Variants in MNX1 observed in about 807,000 individuals in gnomAD.
MNX1 encodes the protein motor neuron and pancreas homeobox protein 1.
MNX1 carries 2 observed loss-of-function variants against 17.3 expected under a neutral mutation model. The ratio of observed to expected loss-of-function variants is 0.12; its 90% CI spans 0.05 to 0.36. The LOEUF (loss-of-function observed/expected upper bound fraction) is 0.36, where lower values mean the gene tolerates loss of function less well. Among genes scored for constraint, MNX1 ranks in the 10% least tolerant of loss-of-function variants. The pLI, the probability that MNX1 is intolerant of heterozygous loss-of-function variation, is 1.00. For synonymous variants in MNX1, 306 were observed against 283.1 expected (o/e 1.08, Z -0.81); for missense variants, 556 against 564.7 (o/e 0.98, Z 0.16).
intron 1 of MNX1, chr7:157,008,960 G>T (rs1415400834): frequency 8.5e-6 from 13 of 1,533,248 alleles, no homozygotes; most frequent in Non-Finnish European, 9.6e-6. Flanking sequence ...GGGAGAACAG[G>T]GGCTCCCTCG....
In MNX1 at chr7:157,006,600, G is replaced by A. The variant is rs1036214835; in HGVS notation, c.731C>T (p.Pro244Leu). Reference sequence around the variant, plus strand: ...CTGCTGGCTGGTGAAGGCGGTGCGCGGCCGGCGGCACTTCCCCAGGAGGTT... The same window carrying A: ...CTGCTGGCTGGTGAAGGCGGTGCGCAGCCGGCGGCACTTCCCCAGGAGGTT... Reference protein sequence around the residue: ...QSNLLGKCRRPRTAFTSQQLL... With the variant: ...QSNLLGKCRRLRTAFTSQQLL... The change falls in exon 2 of 3, where the codon CCG (proline) becomes CTG (leucine). Residue 244 changes from proline to leucine, a missense_variant. Physicochemically the swap from Pro to Leu is moderately conservative, Grantham distance 98 (BLOSUM62 -3). This residue lies in a region of MNX1 where 210 missense variants were observed against 211.3 expected (regional missense o/e 0.99). Transcript: ENST00000252971. This position sits in a 1 kb window ranked among gnomAD's most constrained non-coding sequence, Gnocchi z 6.3. 1 of 1,603,150 alleles carries A rather than the reference G, an allele frequency of 6.2e-7. No individual in the cohort carries two copies.
Position 157,010,600 on chromosome 7 carries a change from C to A in MNX1, c.-250G>T, listed in dbSNP as rs1418992928. ...GCGAGTGCTTCCCCGCGTCCGGGCC[C>A]GGGAGCCCGGTTCTTTGCGCTGCAG... On this transcript the variant is annotated 5_prime_UTR_variant, in exon 1 of 3. Transcript: ENST00000252971. 3 of 291,420 alleles carry A rather than the reference C, an allele frequency of 1.0e-5. No homozygotes were observed. The highest frequency in any genetic ancestry group is 4.3e-5 in the African/African-American group (2 of 46,130). The allele number at this position is 291,420 out of a possible 1,614,324, so 18.1% of individuals were successfully genotyped here.
At position 157,006,416 on chromosome 7, in the gene MNX1, A is replaced by G. The variant is rs965112159; in HGVS notation, c.852+63T>C. On this transcript the variant is annotated intron_variant, in intron 2 of 2. Transcript: ENST00000252971. The surrounding 1 kb of genome is among the most constrained non-coding windows in gnomAD (Gnocchi z 6.3). ...TGCCTCAGACCGCCCGTGGGTCACA[A>G]GTGCAAAGGTAACAGTGTCCCCTGG... 17 of 1,548,356 alleles carry G rather than the reference A, an allele frequency of 1.1e-5. No homozygotes were observed. Among genetic ancestry groups the G allele is most frequent in the African/African-American group, 9.5e-5 (7 of 73,550 alleles).
Position 157,005,690 on chromosome 7 carries a change from G to T in MNX1, c.1036C>A (p.Arg346Ser). ...PPAPGDKGSG[R>S]RLRDLRDSDP... The stretch of plus-strand genomic sequence containing the variant: ...CTGTCCCTCAAGTCCCGCAGGCGGC[G>T]TCCGCTGCCCTTGTCTCCGGGCGCT... Residue 346 changes from arginine to serine, a missense_variant, in exon 3 of 3, where the codon CGC (arginine) becomes AGC (serine). This residue lies in a region of MNX1 where 178 missense variants were observed against 155.2 expected (regional missense o/e 1.15). Transcript: ENST00000252971. 6.2e-7 allele frequency: 1 copy of T among 1,610,490 alleles called. No individual in the cohort carries two copies.
Position 157,009,936 on chromosome 7 carries a change from G to T in MNX1, c.415C>A (p.Leu139Met). The T allele has an allele frequency of 9.2e-7, 1 of 1,092,658 alleles. No homozygotes were observed. Among genetic ancestry groups the T allele is most frequent in the Non-Finnish European group, 1.1e-6 (1 of 902,694 alleles). 67.7% of individuals were successfully genotyped at this position (1,092,658 alleles called of 1,614,324 possible). ...TGCGCGCCCCCAGGGTGCAGCCCCA[G>T]CGCCAGGCCCCCAGCGGCGGCGGCG... ...AAAAAAGGLA[L>M]GLHPGGAQGG... is the part of the protein sequence containing the mutation. Residue 139 changes from leucine to methionine, a missense_variant, in exon 1 of 3, where the codon CTG (leucine) becomes ATG (methionine). Leu to Met is a conservative substitution (Grantham distance 15). This residue lies in a region of MNX1 where 210 missense variants were observed against 211.3 expected (regional missense o/e 0.99). Transcript: ENST00000252971.
chr7:157,010,045 G>A lies in MNX1; in HGVS notation c.306C>T (p.Gly102=), dbSNP rs1214696564. The A allele has an allele frequency of 5.0e-6, 5 of 998,500 alleles. No individual in the cohort carries two copies. The highest frequency in any genetic ancestry group is 5.9e-6 in the Non-Finnish European group (5 of 840,636). 61.9% of individuals were successfully genotyped at this position (998,500 alleles called of 1,614,324 possible). A position where few individuals can be genotyped will look rare whatever the true frequency, so the allele number is the denominator to read the frequency against. The change falls in exon 1 of 3, where the codon GGC becomes GGT. Residue 102 remains glycine, a synonymous_variant. Transcript: ENST00000252971. ...PKPGFLGAGG[G]GGGTGGGHGG... ...CGTGCCCGCCGCCCGTGCCGCCGCC[G>A]CCGCCGCCCGCGCCCAGGAAGCCCG...
chr7:157,009,027 G>T, intron 1 of MNX1: 1 of 1,537,114 alleles, frequency 6.5e-7, no homozygotes, highest in Non-Finnish European at 8.7e-7. Context: ...TCCAGGGCAG[G>T]CACCTACTGT....
chr7:157,005,658 G>C lies in MNX1; in HGVS notation c.1068C>G (p.Pro356=), dbSNP rs925457577. The change falls in exon 3 of 3, where the codon CCC becomes CCG. Residue 356 remains proline (P), a synonymous_variant. Transcript: ENST00000252971. The part of the protein sequence containing the change: ...RRLRDLRDSD[P]EEDEDEDDED... Reference sequence around the variant, plus strand: ...CGTCGTCCTCGTCCTCGTCCTCCTCGGGGTCACTGTCCCTCAAGTCCCGCA... The same window carrying C: ...CGTCGTCCTCGTCCTCGTCCTCCTCCGGGTCACTGTCCCTCAAGTCCCGCA... 3.7e-6 allele frequency: 6 copies of C among 1,609,844 alleles called. No individual in the cohort carries two copies. In the Admixed American group the frequency reaches 5.0e-5, roughly 13 times the overall value.
intron 1 of MNX1, chr7:157,007,488 T>C (rs1234086144): frequency 1.3e-5 from 2 of 152,230 alleles, no homozygotes; most frequent in Admixed American, 6.5e-5. Flanking sequence ...GCATGCCCCC[T>C]CCTCAGGGTG....
rs887687752 is a variant in MNX1 at position 157,006,241 on chromosome 7, T to C, written c.852+238A>G. On this transcript the variant is annotated intron_variant, in intron 2 of 2. Coordinates refer to ENST00000252971, the MANE Select transcript of MNX1 (RefSeq NM_005515.4). This position sits in a 1 kb window ranked among gnomAD's most constrained non-coding sequence, Gnocchi z 6.3. ...TCTTTCTGGAACAAAATTTCTCGAA[T>C]GCGGCCTGGGGATCACCTTCTTCAG... 3 of 587,958 alleles carry C rather than the reference T, an allele frequency of 5.1e-6. No individual in the cohort carries two copies. The highest frequency in any genetic ancestry group is 2.1e-5 in the South Asian group (1 of 47,602). 36.4% of individuals were successfully genotyped at this position (587,958 alleles called of 1,614,324 possible).
In MNX1 at chr7:157,008,939, G is replaced by T. The variant is rs923143766; in HGVS notation, c.691+721C>A. 8 of 1,507,172 alleles carry T rather than the reference G, an allele frequency of 5.3e-6. No individual in the cohort carries two copies. In the African/African-American group the frequency reaches 1.1e-4, roughly 21 times the overall value. The allele number at this position is 1,507,172 out of a possible 1,614,324, so 93.4% of individuals were successfully genotyped here. A position where few individuals can be genotyped will look rare whatever the true frequency, so the allele number is the denominator to read the frequency against. On this transcript the variant is annotated intron_variant, in intron 1 of 2. Transcript: ENST00000252971. ...AGAGGAAGCTGCCCGAAGCCCAGCG[G>T]CTCTGGGGTGGGGAGAACAGGGGCT...
In MNX1 at chr7:157,009,672, G is replaced by C; in HGVS notation, c.679C>G (p.Pro227Ala). ...STAGMILPKM[P>A]DFNSQAQSNL... is the part of the protein sequence containing the mutation. ...GCAGGGTACTCACAGTTGAAGTCGG[G>C]CATCTTAGGCAGGATCATGCCCGCG... Residue 227 changes from proline (P) to alanine (A), a missense_variant, in exon 1 of 3, where the codon CCC becomes GCC. By Grantham distance (27) the Pro-to-Ala change is conservative. Transcript: ENST00000252971. 1 of 1,609,134 alleles carries C rather than the reference G, an allele frequency of 6.2e-7. No homozygotes were observed. Among genetic ancestry groups the C allele is most frequent in the South Asian group, 1.1e-5 (1 of 90,888 alleles).
rs941421118 is a variant in MNX1, at chr7:157,010,268, A to G, written c.83T>C (p.Leu28Pro). The G allele has an allele frequency of 4.7e-6, 7 of 1,502,954 alleles. No individual in the cohort carries two copies. Among genetic ancestry groups the G allele is most frequent in the South Asian group, 1.2e-5 (1 of 80,164 alleles). The allele number at this position is 1,502,954 out of a possible 1,614,324, so 93.1% of individuals were successfully genotyped here. ...PRAASAQSAP[L>P]ALVTSLAAAA... Reference sequence around the variant, plus strand: ...GGCGGCGAGCGACGTGACCAAGGCCAGCGGCGCGCTCTGCGCAGAGGCGGC... The same window carrying G: ...GGCGGCGAGCGACGTGACCAAGGCCGGCGGCGCGCTCTGCGCAGAGGCGGC... The change falls in exon 1 of 3, where the codon CTG becomes CCG. Residue 28 changes from leucine (L) to proline (P), a missense_variant. Coordinates refer to ENST00000252971, the MANE Select transcript of MNX1 (RefSeq NM_005515.4).
rs1177258379 is a variant in MNX1 at position 157,005,033 on chromosome 7, CCA to C, written c.*485_*486del. On this transcript the variant is annotated 3_prime_UTR_variant, in exon 3 of 3. Transcript: ENST00000252971. Reference sequence around the variant, plus strand: ...CGCTCGTGACATAATCCCCCCGACCCCAGAGACGTAAGCATAAACCCTTTTTT... The same window carrying C: ...CGCTCGTGACATAATCCCCCCGACCCGAGACGTAAGCATAAACCCTTTTTT... 2.2e-5 allele frequency: 5 copies of C among 224,392 alleles called. No homozygotes were observed. The highest frequency in any genetic ancestry group is 1.1e-4 in the African/African-American group (5 of 44,834). The allele number at this position is 224,392 out of a possible 1,614,324, so 13.9% of individuals were successfully genotyped here. A position where few individuals can be genotyped will look rare whatever the true frequency, so the allele number is the denominator to read the frequency against.
rs1483871154 is a variant in MNX1 at position 157,010,248 on chromosome 7, C to T, written c.103G>A (p.Ala35Thr). Residue 35 changes from alanine to threonine, a missense_variant, in exon 1 of 3, where the codon GCC becomes ACC. By Grantham distance (58) the Ala-to-Thr change is moderately conservative. Transcript: ENST00000252971. ...SAPLALVTSLAAAASGTGGGG... is the reference protein window; with the variant it reads ...SAPLALVTSLTAAASGTGGGG... ...CCTCCGGTGCCAGATGCGGCGGCGG[C>T]GAGCGACGTGACCAAGGCCAGCGGC... is the stretch of plus-strand genomic sequence containing the variant. 34 of 1,384,766 alleles carry T rather than the reference C, an allele frequency of 2.5e-5. No individual in the cohort carries two copies. Among genetic ancestry groups the T allele is most frequent in the African/African-American group, 3.0e-5 (2 of 66,814 alleles). The allele number at this position is 1,384,766 out of a possible 1,614,324, so 85.8% of individuals were successfully genotyped here.
chr7:157,005,727 C>A lies in MNX1; in HGVS notation c.999G>T (p.Leu333=). The part of the protein sequence containing the change: ...GGAEEPGAEE[L]LGPPAPGDKG... ...TGTCTCCGGGCGCTGGCGGCCCCAG[C>A]AGCTCCTCGGCTCCCGGCTCCTCCG... The change falls in exon 3 of 3, where the codon CTG becomes CTT. Residue 333 remains leucine (L), a synonymous_variant. Transcript: ENST00000252971. The A allele has an allele frequency of 1.9e-6, 3 of 1,609,810 alleles. No homozygotes were observed. Among genetic ancestry groups the A allele is most frequent in the South Asian group, 2.2e-5 (2 of 90,952 alleles).
chr7:157,006,663 C>A lies in MNX1; in HGVS notation c.692-24G>T. On this transcript the variant is annotated intron_variant, in intron 1 of 2. Transcript: ENST00000252971. This position sits in a 1 kb window ranked among gnomAD's most constrained non-coding sequence, Gnocchi z 6.3. ...GGCTGGGGACCAAAGGGCAGTGAGG[C>A]CCACAGCCGGCTCCGGTCCTCGCCC... 1 of 1,557,360 alleles carries A rather than the reference C, an allele frequency of 6.4e-7. No individual in the cohort carries two copies. Among genetic ancestry groups the A allele is most frequent in the Non-Finnish European group, 8.7e-7 (1 of 1,152,288 alleles).
chr7:157,005,220 G>A lies in MNX1; in HGVS notation c.*300C>T. ...GTCGGTTCTTCTCACACGCACTCGC[G>A]CCTCCCCCAACACCAACCAAAATTA... On this transcript the variant is annotated 3_prime_UTR_variant, in exon 3 of 3. Transcript: ENST00000252971. 8.2e-6 allele frequency: 2 copies of A among 243,648 alleles called. No individual in the cohort carries two copies. Among genetic ancestry groups the A allele is most frequent in the East Asian group, 6.0e-5 (1 of 16,582 alleles). The allele number at this position is 243,648 out of a possible 1,614,324, so 15.1% of individuals were successfully genotyped here. A position where few individuals can be genotyped will look rare whatever the true frequency, so the allele number is the denominator to read the frequency against.
At chr7:157,009,525 G>A (rs757856353) in intron 1 of MNX1, 135 bp downstream of exon 1, 2 of 1,475,996 alleles carry the variant, frequency 1.4e-6, no homozygotes, top group Non-Finnish European at 1.8e-6. Context: ...CGCAGGCCCC[G>A]GGCAGAGCCG....
Sources: gnomAD v4.1 joint callset for allele counts on GRCh38, gnomAD v4.1.1 for gene constraint, gnomAD v4.1.1 regional missense constraint, Gnocchi (gnomAD v3.1) non-coding constraint, MANE v1.5 for transcripts, NCBI Gene and HGNC (gene_info 2026-07-23, HGNC 2026-07-21) for gene names.